The following NDUFV3 variants were observed in gnomAD, a reference collection of about 807,000 sequenced individuals.
NDUFV3 encodes the protein NADH:ubiquinone oxidoreductase subunit V3.
Under a neutral mutation model 37.5 loss-of-function variants are expected in NDUFV3, and 44 were observed. The ratio of observed to expected loss-of-function variants is 1.17; its 90% CI spans 0.92 to 1.51. The LOEUF (loss-of-function observed/expected upper bound fraction) is 1.51, where lower values mean the gene tolerates loss of function less well. Among genes scored for constraint, NDUFV3 ranks in the 40% most tolerant of loss-of-function variants. NDUFV3 has a pLI of 0.00. For missense variants in NDUFV3, 580 were observed against 580.4 expected (o/e 1.00, Z 0.01); for synonymous variants, 235 against 239.3 (o/e 0.98, Z 0.17).
rs557804746 is a variant in NDUFV3 at position 42,905,671 on chromosome 21, A to AC, written c.1264+1400dup. 1.5e-4 allele frequency among the ~76,000 whole-genome samples: 22 copies of AC among 151,600 alleles called. 1 individual carries two copies. In the South Asian group the frequency reaches 2.1e-3, roughly 14 times the overall value. On this transcript the variant is annotated intron_variant, in intron 3 of 3. Transcript: ENST00000354250. The stretch of plus-strand genomic sequence containing the variant: ...GCTGGGATTACAGGCGTGTGGCACC[A>AC]CCCCCGGCTAATTTTTGTATTTTTA...
Position 42,903,893 on chromosome 21 carries a change from A to T in NDUFV3, c.881A>T (p.His294Leu), listed in dbSNP as rs1453331352. 6.2e-7 allele frequency: 1 copy of T among 1,611,804 alleles called. No individual in the cohort carries two copies. Among genetic ancestry groups the T allele is most frequent in the South Asian group, 1.1e-5 (1 of 90,888 alleles). ...PFEVKGPLPV[H>L]TKSGLSAPPK... ...GAAGTTAAAGGACCCTTACCTGTCC[A>T]CACAAAATCAGGGTTGTCTGCGCCA... The change falls in exon 3 of 4, where the codon CAC becomes CTC. Residue 294 changes from histidine (H) to leucine (L), a missense_variant. His to Leu is a moderately conservative substitution (Grantham distance 99, BLOSUM62 -3). Coordinates refer to ENST00000354250, the MANE Select transcript of NDUFV3 (RefSeq NM_021075.4).
At chr21:42,907,441 C>T (rs936817188) in intron 3 of NDUFV3, among the ~76,000 whole-genome samples, 5 of 141,582 alleles carry the variant, frequency 3.5e-5, no homozygotes. Context: ...GCCACCATGC[C>T]CTACTAATTT....
chr21:42,907,496 G>A (rs1002713235), intron 3 of NDUFV3, among the ~76,000 whole-genome samples: 1 of 148,254 alleles, frequency 6.7e-6, no homozygotes, highest in African/African-American at 2.5e-5. Context: ...TTGTCACCAG[G>A]CTGGAGTGCA....
rs374483888 is a variant in NDUFV3, at chr21:42,896,985, C to T, written c.107C>T (p.Ala36Val). The T allele has an allele frequency of 8.1e-6, 13 of 1,613,680 alleles. No individual in the cohort carries two copies. The highest frequency in any genetic ancestry group is 4.0e-5 in the African/African-American group (3 of 74,802). Residue 36 changes from alanine (A) to valine (V), a missense_variant, in exon 2 of 4, where the codon GCG becomes GTG. Ala to Val is a moderately conservative substitution (Grantham distance 64). Coordinates refer to ENST00000354250, the MANE Select transcript of NDUFV3 (RefSeq NM_021075.4). ...CTTGCTTCTACGGTTTCTTTGTCTG[C>T]GGAATCAGGGAAGAGTGAAAAGGGT... Reference protein sequence around the residue: ...RGLASTVSLSAESGKSEKGQP... With the variant: ...RGLASTVSLSVESGKSEKGQP...
intron 2 of NDUFV3, among the ~76,000 whole-genome samples, chr21:42,902,066 G>C (rs1282342041): frequency 6.6e-6 from 1 of 152,138 alleles, no homozygotes; most frequent in Non-Finnish European, 1.5e-5. Context: ...AAATTAGCTG[G>C]GTGTGGTGGC....
chr21:42,909,469 G>A lies in NDUFV3; in HGVS notation c.*448G>A, dbSNP rs1441006385. ...TTTCACACTTTTTACAGTGAGTGGT[G>A]AATTAGCAACAGTAACACTGATTAT... On this transcript the variant is annotated 3_prime_UTR_variant, in exon 4 of 4. Coordinates refer to ENST00000354250, the MANE Select transcript of NDUFV3 (RefSeq NM_021075.4). The A allele has an allele frequency of 8.3e-6, 2 of 240,686 alleles. No homozygotes were observed. The highest frequency in any genetic ancestry group is 4.5e-5 in the African/African-American group (2 of 44,206). 14.9% of individuals were successfully genotyped at this position (240,686 alleles called of 1,614,324 possible). A position where few individuals can be genotyped will look rare whatever the true frequency, so the allele number is the denominator to read the frequency against.
intron 2 of NDUFV3, 85 bp downstream of exon 2, chr21:42,897,132 T>C: frequency 6.8e-7 from 1 of 1,464,522 alleles, no homozygotes; most frequent in Non-Finnish European, 9.4e-7. Flanking sequence ...CAGTGAGTTT[T>C]ACTAGCTACG....
chr21:42,893,729 G>A (rs1330712730), intron 1 of NDUFV3, among the ~76,000 whole-genome samples: 1 of 152,246 alleles, frequency 6.6e-6, no homozygotes, highest in East Asian at 1.9e-4. Flanking sequence ...GCTGGGGTCA[G>A]CCGCTGTGCG....
intron 1 of NDUFV3, among the ~76,000 whole-genome samples, chr21:42,894,606 T>A (rs1201677645): frequency 2.2e-5 from 3 of 135,060 alleles, no homozygotes; most frequent in Non-Finnish European, 4.6e-5. Context: ...AGGCCCAGGC[T>A]GGAGTGCAAT....
intron 3 of NDUFV3, among the ~76,000 whole-genome samples, chr21:42,904,493 T>A (rs1380850483): frequency 1.9e-5 from 2 of 106,992 alleles, no homozygotes; most frequent in African/African-American, 7.0e-5. Context: ...TTAACGTTCT[T>A]TTTTTTTTTT....
At chr21:42,897,237 T>C (rs1042869528) in intron 2 of NDUFV3, among the ~76,000 whole-genome samples, 190 bp downstream of exon 2, 1 of 152,208 alleles carries the variant, frequency 6.6e-6, no homozygotes, top group African/African-American at 2.4e-5. Flanking sequence ...CATGTCGTAG[T>C]CTTTGACTGA....
Position 42,903,458 on chromosome 21 carries a change from C to T in NDUFV3, c.446C>T (p.Thr149Met), listed in dbSNP as rs370855866. Residue 149 changes from threonine to methionine, a missense_variant, in exon 3 of 4, where the codon ACG (threonine) becomes ATG (methionine). By Grantham distance (81) the Thr-to-Met change is moderately conservative. Coordinates refer to ENST00000354250, the MANE Select transcript of NDUFV3 (RefSeq NM_021075.4). ...GCTCGTCAGGTGGGTCGGAAAGTGA[C>T]GTCGCCTTCGTCTTCATCCTCTTCC... is the stretch of plus-strand genomic sequence containing the variant. ...SEARQVGRKV[T>M]SPSSSSSSSS... The T allele has an allele frequency of 2.7e-5, 43 of 1,613,932 alleles. No individual in the cohort carries two copies. The highest frequency in any genetic ancestry group is 9.3e-5 in the African/African-American group (7 of 74,898).
At chr21:42,904,491 C>CTTTTTTT (rs11321406) in intron 3 of NDUFV3, among the ~76,000 whole-genome samples, 1 of 125,864 alleles carries the variant, frequency 7.9e-6, no homozygotes. Flanking sequence ...ATTTAACGTT[C>CTTTTTTT]TTTTTTTTTT....
Position 42,910,466 on chromosome 21 carries a change from T to C in NDUFV3, c.*1445T>C, listed in dbSNP as rs2058765129. ...TATATAAACTTGAGGACATTTTCAT[T>C]GGTGAGATTCGGAAGAGGTGAAGTT... On this transcript the variant is annotated 3_prime_UTR_variant, in exon 4 of 4. Transcript: ENST00000354250. 6.6e-6 allele frequency: 1 copy of C among 152,420 alleles called. No individual in the cohort carries two copies. Among genetic ancestry groups the C allele is most frequent in the Admixed American group, 6.5e-5 (1 of 15,286 alleles). The allele number at this position is 152,420 out of a possible 1,614,324, so 9.4% of individuals were successfully genotyped here.
At chr21:42,907,843 G>A (rs1212342219) in intron 3 of NDUFV3, among the ~76,000 whole-genome samples, 6 of 151,392 alleles carry the variant, frequency 4.0e-5, no homozygotes, top group South Asian at 4.2e-4. Flanking sequence ...CTCCCACCTC[G>A]GCCTCCCAAA....
At chr21:42,896,829 ACC>A (rs2058693529) in intron 1 of NDUFV3, 96 bp from the exon 2 acceptor site, 2 of 1,259,576 alleles carry the variant, frequency 1.6e-6, no homozygotes, top group Non-Finnish European at 2.2e-6. Flanking sequence ...ACTGAGAGAG[ACC>A]CCTGACTCAA....
rs138935658 is a variant in NDUFV3 at position 42,904,221 on chromosome 21, G to A, written c.1209G>A (p.Glu403=). 1.4e-4 allele frequency: 218 copies of A among 1,613,388 alleles called. No individual in the cohort carries two copies. The African/African-American group carries it at 2.5e-3, about 18-fold the overall frequency. The change falls in exon 3 of 4, where the codon GAG becomes GAA. Residue 403 remains glutamate (E), a synonymous_variant. Transcript: ENST00000354250. Reference sequence around the variant, plus strand: ...CAGCAGCGCTGAAGCTTGAGGCCGAGGGCGAGGCCATGGAAGATGCAGCCG... The same window carrying A: ...CAGCAGCGCTGAAGCTTGAGGCCGAAGGCGAGGCCATGGAAGATGCAGCCG... ...EKTAALKLEA[E]GEAMEDAAAP...
chr21:42,898,722 C>T (rs1167927542), intron 2 of NDUFV3, among the ~76,000 whole-genome samples: 1 of 152,204 alleles, frequency 6.6e-6, no homozygotes, highest in South Asian at 2.1e-4. Flanking sequence ...CTCCCTGCCT[C>T]AAACTCCCAT....
At position 42,903,233 on chromosome 21, in the gene NDUFV3, C is replaced by T. The variant is rs1329955830; in HGVS notation, c.221C>T (p.Ala74Val). Reference sequence around the variant, plus strand: ...AAGCTCCTAGCCACCCAGACAGCAGCTGAATTGTCTAAAAACTTATCTTCA... The same window carrying T: ...AAGCTCCTAGCCACCCAGACAGCAGTTGAATTGTCTAAAAACTTATCTTCA... ...RGKLLATQTA[A>V]ELSKNLSSPS... The change falls in exon 3 of 4, where the codon GCT (alanine) becomes GTT (valine). Residue 74 changes from alanine (A) to valine (V), a missense_variant. Coordinates refer to ENST00000354250, the MANE Select transcript of NDUFV3 (RefSeq NM_021075.4). 1 of 1,614,180 alleles carries T rather than the reference C, an allele frequency of 6.2e-7. No homozygotes were observed. Among genetic ancestry groups the T allele is most frequent in the Non-Finnish European group, 8.5e-7 (1 of 1,180,040 alleles).
Sources: allele counts gnomAD v4.1 joint callset (sites outside exome capture counted in the v4.1 genomes callset), GRCh38; gene constraint gnomAD v4.1.1; transcripts MANE v1.5; gene names NCBI Gene and HGNC (gene_info 2026-07-23, HGNC 2026-07-21).